CHD9: variants seen among roughly 807,000 people sequenced by gnomAD.
The protein encoded by CHD9 is ATP-dependent chromatin remodeler CHD9.
Under a neutral mutation model 316.1 loss-of-function variants are expected in CHD9, and 77 were observed. The ratio of observed to expected loss-of-function variants is 0.24; its 90% CI spans 0.20 to 0.29. The LOEUF (loss-of-function observed/expected upper bound fraction) is 0.29. Ranked by LOEUF, CHD9 falls within the 10% of genes least tolerant of loss-of-function variation. CHD9 has a pLI of 1.00. For synonymous variants in CHD9, 1,129 were observed against 1,158.3 expected, an observed-to-expected ratio of 0.97 and a Z score of 0.51; for missense variants, 2,763 against 3,438.1, an observed-to-expected ratio of 0.80 and a Z score of 4.91.
rs550333268 is a variant in CHD9 at position 53,214,944 on chromosome 16, C to T, written c.1784+5131C>T. 9.2e-4 allele frequency among the ~76,000 whole-genome samples: 136 copies of T among 147,068 alleles called. 2 individuals carry two copies. Among genetic ancestry groups the T allele is most frequent in the African/African-American group, 3.1e-3 (123 of 39,614 alleles). On this transcript the variant is annotated intron_variant, in intron 3 of 38. Transcript: ENST00000447540. ...TTTTTTTTTTTTTGAGACGGAGTCT[C>T]ACTCTGTCTCCCAGGCTGGAGTGCA...
Position 53,250,025 on chromosome 16 carries a change from A to G in CHD9, c.3820A>G (p.Ile1274Val). 1.2e-6 allele frequency: 2 copies of G among 1,613,392 alleles called. No homozygotes were observed. The highest frequency in any genetic ancestry group is 1.1e-5 in the South Asian group (1 of 90,976). Residue 1274 changes from isoleucine (I) to valine (V), a missense_variant, in exon 17 of 39, where the codon ATA becomes GTA. By Grantham distance (29) the Ile-to-Val change is conservative. This residue lies in a region of CHD9 where 11 missense variants were observed against 44.2 expected (regional missense o/e 0.25). Transcript: ENST00000447540. ...CAACTTAACTGCAGCTGATACATGTATAATTTTTGATTCTGATTGGAATCC... is the reference window on the plus strand; with the variant it reads ...CAACTTAACTGCAGCTGATACATGTGTAATTTTTGATTCTGATTGGAATCC... ...GINLTAADTCIIFDSDWNPQN... is the reference protein window; with the variant it reads ...GINLTAADTCVIFDSDWNPQN...
At chr16:53,248,485 AT>A (rs565153300) in intron 16 of CHD9, among the ~76,000 whole-genome samples, 11 of 120,606 alleles carry the variant, frequency 9.1e-5, no homozygotes, top group East Asian at 4.9e-4. Context: ...TTTTTATTTT[AT>A]TTTTTTTTGT....
chr16:53,123,535 C>T (rs2038838838), intron 1 of CHD9, among the ~76,000 whole-genome samples: 1 of 151,978 alleles, frequency 6.6e-6, no homozygotes, highest in African/African-American at 2.4e-5. Context: ...GCGTTTTGCT[C>T]TTGTCACCCA....
intron 1 of CHD9, among the ~76,000 whole-genome samples, chr16:53,106,125 G>A (rs2037329133): frequency 6.6e-6 from 1 of 152,060 alleles, no homozygotes; most frequent in Admixed American, 6.6e-5. Flanking sequence ...TGGCTCAGAA[G>A]TTTTTTAAAT....
intron 1 of CHD9, among the ~76,000 whole-genome samples, chr16:53,116,339 C>T (rs187000037): frequency 7.9e-5 from 12 of 152,278 alleles, no homozygotes; most frequent in South Asian, 2.1e-4. Context: ...GGATTATAGG[C>T]GTGAGCCACC....
At chr16:53,256,793 A>G (rs961799216) in intron 19 of CHD9, among the ~76,000 whole-genome samples, 1 of 152,068 alleles carries the variant, frequency 6.6e-6, no homozygotes, top group African/African-American at 2.4e-5. Context: ...CTTCCTTTCT[A>G]CATTTCCCTT....
chr16:53,238,286 TTAAAG>T (rs1439596823), intron 11 of CHD9, 52 bp from the exon 12 acceptor site: 4 of 1,402,038 alleles, frequency 2.9e-6, no homozygotes, highest in Non-Finnish European at 2.9e-6. Context: ...ATATTTATCT[TTAAAG>T]TATAGAAAAA....
intron 24 of CHD9, among the ~76,000 whole-genome samples, chr16:53,285,196 A>G (rs955037355): frequency 2.6e-5 from 4 of 152,142 alleles, no homozygotes; most frequent in African/African-American, 9.7e-5. Context: ...CAATTCATTT[A>G]CCCTTTTAGG....
rs1202590435 is a variant in CHD9, at chr16:53,296,924, G to A, written c.5511-32G>A. 3.5e-6 allele frequency: 5 copies of A among 1,430,246 alleles called. No homozygotes were observed. In the South Asian group the frequency reaches 4.7e-5, roughly 14 times the overall value. 88.6% of individuals were successfully genotyped at this position (1,430,246 alleles called of 1,614,324 possible). A position where few individuals can be genotyped will look rare whatever the true frequency, so the allele number is the denominator to read the frequency against. On this transcript the variant is annotated intron_variant, in intron 29 of 38. Transcript: ENST00000447540. Reference sequence around the variant, plus strand: ...ATTAATATTAATTTTAGTGACTAGTGTGGTTTTTTTCTTTAATCTGACTCA... The same window carrying A: ...ATTAATATTAATTTTAGTGACTAGTATGGTTTTTTTCTTTAATCTGACTCA...
intron 30 of CHD9, among the ~76,000 whole-genome samples, 174 bp from the exon 31 acceptor site, chr16:53,303,546 C>T (rs1024795989): frequency 6.6e-6 from 1 of 152,100 alleles, no homozygotes; most frequent in African/African-American, 2.4e-5. Flanking sequence ...TTTCAAAATC[C>T]TCACTGAATT....
intron 10 of CHD9, 96 bp downstream of exon 10, chr16:53,231,880 C>G (rs1161275261): frequency 8.5e-7 from 1 of 1,172,346 alleles, no homozygotes. Flanking sequence ...ACTTTCATTT[C>G]TTTTAAACAG....
chr16:53,115,741 A>G (rs2038245242), intron 1 of CHD9, among the ~76,000 whole-genome samples: 1 of 152,244 alleles, frequency 6.6e-6, no homozygotes, highest in Non-Finnish European at 1.5e-5. Flanking sequence ...GAACCTGCTT[A>G]TGCCTTAAGA....
intron 1 of CHD9, among the ~76,000 whole-genome samples, chr16:53,057,719 C>T (rs986884954): frequency 1.3e-5 from 2 of 151,992 alleles, no homozygotes; most frequent in African/African-American, 4.8e-5. Context: ...ATATCCATGA[C>T]ACTTTCACAG....
At chr16:53,098,579 T>C (rs2036574859) in intron 1 of CHD9, among the ~76,000 whole-genome samples, 1 of 151,944 alleles carries the variant, frequency 6.6e-6, no homozygotes, top group Admixed American at 6.6e-5. Context: ...CCCGAAACAA[T>C]GTTTGGCTGC....
intron 10 of CHD9, among the ~76,000 whole-genome samples, chr16:53,232,244 A>G (rs1001858138): frequency 6.6e-6 from 1 of 152,132 alleles, no homozygotes; most frequent in South Asian, 2.1e-4. Context: ...TAATTCAGAG[A>G]GGAATGAGTC....
intron 1 of CHD9, among the ~76,000 whole-genome samples, chr16:53,099,666 A>G (rs1008864544): frequency 6.6e-6 from 1 of 151,958 alleles, no homozygotes; most frequent in Admixed American, 6.6e-5. Context: ...CGGGCGGGAG[A>G]TTCGGCTCCA....
At chr16:53,317,779 C>A (rs752610795) in intron 36 of CHD9, among the ~76,000 whole-genome samples, 1 of 152,074 alleles carries the variant, frequency 6.6e-6, no homozygotes. Flanking sequence ...TTTGGCCAGG[C>A]GTGGTGGCTC....
chr16:53,119,120 C>T (rs747806454), intron 1 of CHD9, among the ~76,000 whole-genome samples: 6 of 151,500 alleles, frequency 4.0e-5, no homozygotes, highest in Admixed American at 2.0e-4. Context: ...GAAGGCCCCC[C>T]AACCTGAAAA....
At chr16:53,311,259 T>C (rs2056455015) in intron 34 of CHD9, 1 of 152,174 alleles carries the variant, frequency 6.6e-6, no homozygotes, top group African/African-American at 2.4e-5. Context: ...GATAGAGTTA[T>C]TATCTAAGCA....
Sources: gnomAD v4.1 joint callset for allele counts (sites outside exome capture counted in the v4.1 genomes callset) on GRCh38, gnomAD v4.1.1 for gene constraint, gnomAD v4.1.1 regional missense constraint, MANE v1.5 for transcripts, NCBI Gene and HGNC (gene_info 2026-07-23, HGNC 2026-07-21) for gene names.